The following ADPRHL1 variants were observed in gnomAD, a reference collection of about 807,000 sequenced individuals.
The protein encoded by ADPRHL1 is ADP-ribosylhydrolase like 1, also known as inactive ADP-ribosyltransferase ARH2.
ADPRHL1 carries 43 observed loss-of-function variants against 44.1 expected under a neutral mutation model. That is an observed-to-expected ratio of 0.98 (90% confidence interval 0.76 to 1.26). The LOEUF is 1.26. ADPRHL1 is among the 50% of genes most tolerant of loss of function. The pLI, the probability that ADPRHL1 is intolerant of heterozygous loss-of-function variation, is 0.00. For missense variants in ADPRHL1, 2,022 were observed against 2,496.9 expected, an observed-to-expected ratio of 0.81 and a Z score of 4.05; for synonymous variants, 878 against 1,017.4, an observed-to-expected ratio of 0.86 and a Z score of 2.61.
intron 7 of ADPRHL1, among the ~76,000 whole-genome samples, chr13:113,419,558 C>A (rs1012163426): frequency 2.6e-5 from 4 of 151,998 alleles, no homozygotes; most frequent in African/African-American, 9.7e-5. Flanking sequence ...AGCATCGCTG[C>A]GCTGTAGGGA....
intron 1 of ADPRHL1, among the ~76,000 whole-genome samples, chr13:113,446,219 A>G (rs1017475653): frequency 7.5e-6 from 1 of 132,934 alleles, no homozygotes; most frequent in Admixed American, 8.7e-5. Context: ...TGAACCCCCT[A>G]GAGAGCGCTC....
Position 113,399,962 on chromosome 13 carries a change from C to T in ADPRHL1, c.*3416G>A, listed in dbSNP as rs1007365443. 1 of 151,682 alleles carries T rather than the reference C, an allele frequency of 6.6e-6. No individual in the cohort carries two copies. Among genetic ancestry groups the T allele is most frequent in the African/African-American group, 2.4e-5 (1 of 41,308 alleles). The allele number at this position is 151,682 out of a possible 1,614,324, so 9.4% of individuals were successfully genotyped here. On this transcript the variant is annotated 3_prime_UTR_variant, in exon 8 of 8. Coordinates refer to ENST00000612156, the MANE Select transcript of ADPRHL1 (RefSeq NM_001394807.1). Reference sequence around the variant, plus strand: ...ACCTTCCTGCCGCCTGAGTGCACCGCCTCCCGCCCGGCTGTTGTCACTTGC... The same window carrying T: ...ACCTTCCTGCCGCCTGAGTGCACCGTCTCCCGCCCGGCTGTTGTCACTTGC...
At chr13:113,435,148 ACG>A (rs1476683722) in intron 2 of ADPRHL1, among the ~76,000 whole-genome samples, 1 of 68,894 alleles carries the variant, frequency 1.5e-5, no homozygotes, top group South Asian at 6.0e-4. Context: ...CCCGGCACCC[ACG>A]CATAGAGTGA....
chr13:113,433,308 C>T (rs2044020470), intron 3 of ADPRHL1, among the ~76,000 whole-genome samples: 1 of 152,198 alleles, frequency 6.6e-6, no homozygotes, highest in African/African-American at 2.4e-5. Context: ...CCCTTGTCCC[C>T]AGGGTCCCCC....
At position 113,404,366 on chromosome 13, in the gene ADPRHL1, CGTTCCTGAGCCCCTTTCTGGGTCT is replaced by C. The variant is rs1595534963; in HGVS notation, c.4892_4915del (p.Gln1631_Glu1638del). 3 of 1,305,792 alleles carry C rather than the reference CGTTCCTGAGCCCCTTTCTGGGTCT, an allele frequency of 2.3e-6. No homozygotes were observed. The highest frequency in any genetic ancestry group is 1.6e-5 in the African/African-American group (1 of 63,600). The allele number at this position is 1,305,792 out of a possible 1,614,324, so 80.9% of individuals were successfully genotyped here. A position where few individuals can be genotyped will look rare whatever the true frequency, so the allele number is the denominator to read the frequency against. ...CCCTTTCTGGGCCTGACCCTGAACCCGTTCCTGAGCCCCTTTCTGGGTCTGTTCCTGAGCCCATTTCTGGGCCTT... is the reference window on the plus strand; with the variant it reads ...CCCTTTCTGGGCCTGACCCTGAACCCGTTCCTGAGCCCATTTCTGGGCCTT... On this transcript the variant is annotated inframe_deletion, in exon 8 of 8. Transcript: ENST00000612156.
rs1201447085 is a variant in ADPRHL1 at position 113,405,105 on chromosome 13, CG to C, written c.4176del (p.Asp1394MetfsTer15). 8.1e-7 allele frequency: 1 copy of C among 1,232,090 alleles called. No homozygotes were observed. Among genetic ancestry groups the C allele is most frequent in the Non-Finnish European group, 1.0e-6 (1 of 988,322 alleles). The allele number at this position is 1,232,090 out of a possible 1,614,324, so 76.3% of individuals were successfully genotyped here. On this transcript the variant is annotated frameshift_variant, in exon 8 of 8. Coordinates refer to ENST00000612156, the MANE Select transcript of ADPRHL1 (RefSeq NM_001394807.1). LOFTEE classifies it low-confidence loss of function (END_TRUNC). ...SHQAQEETPQ[P>X]GDAGKRVAPS... ...GGCGCCACCCTCTTCCCCGCATCCC[CG>C]GGCTGGGGGGTCTCCTCCTGTGCCT... is the stretch of plus-strand genomic sequence containing the variant.
At position 113,404,933 on chromosome 13, in the gene ADPRHL1, C is replaced by T; in HGVS notation, c.4349G>A (p.Trp1450Ter). Reference protein sequence around the residue: ...DQGQQHLQGPWEERGRSTAWG... With the variant: ...DQGQQHLQGP ...CGCCGTGCTCCGCCCCCGCTCCTCC[C>T]AGGGTCCCTGCAGATGCTGCTGACC... Residue 1450 changes from tryptophan (W) to a stop codon, truncating the protein, a stop_gained, in exon 8 of 8, where the codon TGG becomes TAG. Transcript: ENST00000612156. LOFTEE classifies it low-confidence loss of function (END_TRUNC). 1 of 1,242,572 alleles carries T rather than the reference C, an allele frequency of 8.0e-7. No homozygotes were observed. Among genetic ancestry groups the T allele is most frequent in the Non-Finnish European group, 1.0e-6 (1 of 995,096 alleles). The allele number at this position is 1,242,572 out of a possible 1,614,324, so 77.0% of individuals were successfully genotyped here.
In ADPRHL1 at chr13:113,403,070, A is replaced by T; in HGVS notation, c.*308T>A. ...GCGGGAGGTGTGAGCTCCACGCTGC[A>T]GGCTGTGTGAGAGAGGGGTGAGCCG... On this transcript the variant is annotated 3_prime_UTR_variant, in exon 8 of 8. Coordinates refer to ENST00000612156, the MANE Select transcript of ADPRHL1 (RefSeq NM_001394807.1). 1 of 226,952 alleles carries T rather than the reference A, an allele frequency of 4.4e-6. No homozygotes were observed. The highest frequency in any genetic ancestry group is 8.5e-6 in the Non-Finnish European group (1 of 117,482). 14.1% of individuals were successfully genotyped at this position (226,952 alleles called of 1,614,324 possible). A position where few individuals can be genotyped will look rare whatever the true frequency, so the allele number is the denominator to read the frequency against.
intron 6 of ADPRHL1, among the ~76,000 whole-genome samples, chr13:113,423,448 G>A (rs1467392154): frequency 6.6e-6 from 1 of 152,212 alleles, no homozygotes; most frequent in Non-Finnish European, 1.5e-5. Context: ...TGGGGTCACG[G>A]AGGAAACCCC....
chr13:113,407,409 T>C lies in ADPRHL1; in HGVS notation c.1873A>G (p.Thr625Ala). The change falls in exon 8 of 8, where the codon ACC becomes GCC. Residue 625 changes from threonine to alanine, a missense_variant. By Grantham distance (58) the Thr-to-Ala change is moderately conservative. Around this residue, in one of 8 missense-constraint regions of ADPRHL1, gnomAD observed 1,221 missense variants for 1,517.8 expected, o/e 0.80. Transcript: ENST00000612156. Reference protein sequence around the residue: ...AEPLPALSIATVVCGPRSWLS... With the variant: ...AEPLPALSIAAVVCGPRSWLS... ...CAGCTCCTGGGGCCACAGACGACGG[T>C]GGCGATGCTGAGGGCCGGCAGGGGC... is the stretch of plus-strand genomic sequence containing the variant. 1.6e-6 allele frequency: 2 copies of C among 1,231,832 alleles called. No individual in the cohort carries two copies. Among genetic ancestry groups the C allele is most frequent in the Non-Finnish European group, 2.0e-6 (2 of 987,908 alleles). 76.3% of individuals were successfully genotyped at this position (1,231,832 alleles called of 1,614,324 possible). A position where few individuals can be genotyped will look rare whatever the true frequency, so the allele number is the denominator to read the frequency against.
chr13:113,434,146 G>GTTGCATGTAAAAACATGTTGC (rs1566477143), intron 2 of ADPRHL1, among the ~76,000 whole-genome samples: 2 of 152,160 alleles, frequency 1.3e-5, no homozygotes, highest in African/African-American at 4.8e-5. Flanking sequence ...TGCTTTCAAC[G>GTTGCATGTAAAAACATGTTGC]AGATGTTTTC....
rs968988811 is a variant in ADPRHL1, at chr13:113,441,925, G to A, written c.379+2500C>T. On this transcript the variant is annotated intron_variant, in intron 2 of 7. Transcript: ENST00000612156. This position sits in a 1 kb window ranked among gnomAD's most constrained non-coding sequence, Gnocchi z 6.0. ...TGTCTCTATCACGCTTTACTCCACC[G>A]TGCTGGTCCGTGTCTCTGTCACGTT... 6.6e-5 allele frequency among the ~76,000 whole-genome samples: 10 copies of A among 151,786 alleles called. No individual in the cohort carries two copies. Among genetic ancestry groups the A allele is most frequent in the East Asian group, 1.9e-4 (1 of 5,170 alleles).
intron 7 of ADPRHL1, among the ~76,000 whole-genome samples, chr13:113,412,263 C>T (rs867107148): frequency 1.1e-4 from 16 of 152,294 alleles, no homozygotes; most frequent in Non-Finnish European, 7.4e-5. Flanking sequence ...CTGCAAGCTC[C>T]GCCTCCCAGG....
intron 7 of ADPRHL1, among the ~76,000 whole-genome samples, chr13:113,412,280 G>C (rs900500641): frequency 4.6e-5 from 7 of 152,264 alleles, no homozygotes; most frequent in South Asian, 2.1e-4. Context: ...CAGGTTCACA[G>C]CATTCTCCTG....
intron 7 of ADPRHL1, among the ~76,000 whole-genome samples, chr13:113,416,995 T>A (rs2043890405): frequency 6.6e-6 from 1 of 151,790 alleles, no homozygotes; most frequent in South Asian, 2.1e-4. Context: ...GGCGTGGGAG[T>A]TGTCGGAGCT....
rs1238107748 is a variant in ADPRHL1, at chr13:113,404,345, T to C, written c.4937A>G (p.Lys1646Arg). ...TTCCTGGGCCCGTTCCTGAGCCCCT[T>C]TCTGGGCCTGACCCTGAACCCGTTC... is the stretch of plus-strand genomic sequence containing the variant. ...AQERVQGQAQ[K>R]GAQERAQEQA... The change falls in exon 8 of 8, where the codon AAA (lysine) becomes AGA (arginine). Residue 1646 changes from lysine to arginine, a missense_variant. By Grantham distance (26) the Lys-to-Arg change is conservative. Coordinates refer to ENST00000612156, the MANE Select transcript of ADPRHL1 (RefSeq NM_001394807.1). 6.8e-6 allele frequency: 9 copies of C among 1,328,732 alleles called. No individual in the cohort carries two copies. Among genetic ancestry groups the C allele is most frequent in the Non-Finnish European group, 8.6e-6 (9 of 1,047,816 alleles). The allele number at this position is 1,328,732 out of a possible 1,614,324, so 82.3% of individuals were successfully genotyped here. A position where few individuals can be genotyped will look rare whatever the true frequency, so the allele number is the denominator to read the frequency against.
At chr13:113,437,524 G>A (rs960036571) in intron 2 of ADPRHL1, among the ~76,000 whole-genome samples, 14 of 152,358 alleles carry the variant, frequency 9.2e-5, no homozygotes, top group African/African-American at 3.1e-4. Context: ...GTTACTCGGC[G>A]TGTTCCAGGC....
chr13:113,407,217 C>T lies in ADPRHL1; in HGVS notation c.2065G>A (p.Val689Met), dbSNP rs778659089. Residue 689 changes from valine to methionine, a missense_variant, in exon 8 of 8, where the codon GTG becomes ATG. By Grantham distance (21) the Val-to-Met change is conservative. Coordinates refer to ENST00000612156, the MANE Select transcript of ADPRHL1 (RefSeq NM_001394807.1). ...PQRQPRPSKP[V>M]TPQVMAQRDG... Reference sequence around the variant, plus strand: ...CTCTGAGCCATCACCTGGGGTGTCACGGGCTTCGAGGGCCTTGGCTGTCTT... The same window carrying T: ...CTCTGAGCCATCACCTGGGGTGTCATGGGCTTCGAGGGCCTTGGCTGTCTT... 75 of 1,232,222 alleles carry T rather than the reference C, an allele frequency of 6.1e-5. No individual in the cohort carries two copies. The highest frequency in any genetic ancestry group is 6.2e-4 in the Middle Eastern group (2 of 3,210). 76.3% of individuals were successfully genotyped at this position (1,232,222 alleles called of 1,614,324 possible). A position where few individuals can be genotyped will look rare whatever the true frequency, so the allele number is the denominator to read the frequency against.
intron 3 of ADPRHL1, among the ~76,000 whole-genome samples, chr13:113,429,465 C>T (rs1228981161): frequency 1.3e-5 from 2 of 152,254 alleles, no homozygotes; most frequent in African/African-American, 4.8e-5. Flanking sequence ...GACGCATCCC[C>T]AGGTTCACCC....
Sources: gnomAD v4.1 joint callset for allele counts (sites outside exome capture counted in the v4.1 genomes callset) on GRCh38, gnomAD v4.1.1 for gene constraint, gnomAD v4.1.1 regional missense constraint, Gnocchi (gnomAD v3.1) non-coding constraint, MANE v1.5 for transcripts, NCBI Gene and HGNC (gene_info 2026-07-23, HGNC 2026-07-21) for gene names.